Variants in C11orf98 observed in about 807,000 individuals in gnomAD.
C11orf98 encodes chromosome 11 open reading frame 98, also known as 28S rRNA/ribosome and sororin micro-cofactor.
Under a neutral mutation model 10.9 loss-of-function variants are expected in C11orf98, and 7 were observed. That is an observed-to-expected ratio of 0.64 (90% confidence interval 0.37 to 1.21). The LOEUF (loss-of-function observed/expected upper bound fraction) is 1.21, where lower values mean the gene tolerates loss of function less well. C11orf98 is among the 50% of genes most tolerant of loss of function. C11orf98 has a pLI of 0.02. For missense variants in C11orf98, 181 were observed against 153.7 expected, an observed-to-expected ratio of 1.18 and a Z score of -0.94; for synonymous variants, 70 against 57.2, an observed-to-expected ratio of 1.22 and a Z score of -1.01.
In C11orf98 at chr11:62,662,927, G is replaced by T; in HGVS notation, c.*123C>A. 1.4e-6 allele frequency: 1 copy of T among 737,148 alleles called. No individual in the cohort carries two copies. The highest frequency in any genetic ancestry group is 2.2e-6 in the Non-Finnish European group (1 of 455,658). 45.7% of individuals were successfully genotyped at this position (737,148 alleles called of 1,614,324 possible). A position where few individuals can be genotyped will look rare whatever the true frequency, so the allele number is the denominator to read the frequency against. ...AAAGACATCCCTCTAGGGGAGGTCA[G>T]TAGGCCATTAGGTAGGAGGAAATCT... On this transcript the variant is annotated 3_prime_UTR_variant, in exon 4 of 4. Coordinates refer to ENST00000524958, the MANE Select transcript of C11orf98 (RefSeq NM_001286086.2).
intron 2 of C11orf98, among the ~76,000 whole-genome samples, chr11:62,664,145 A>C (rs1412387779): frequency 6.6e-6 from 1 of 151,452 alleles, no homozygotes; most frequent in Non-Finnish European, 1.5e-5. Context: ...ACTCTTCCTC[A>C]AGACACAGGA....
Position 62,664,331 on chromosome 11 carries a change from T to C in C11orf98, c.164+518A>G, listed in dbSNP as rs1262498790. Among the ~76,000 whole-genome samples, 6 of 137,270 alleles carry C rather than the reference T, an allele frequency of 4.4e-5. No homozygotes were observed. The East Asian group carries it at 1.3e-3, about 30-fold the overall frequency. 90.1% of individuals were successfully genotyped at this position (137,270 alleles called of 152,430 possible). ...CCAACAGATTTCCTGATATTCTTTT[T>C]TTTTTTTTTTTTTTTTTGAGACGGA... On this transcript the variant is annotated intron_variant, in intron 2 of 3. Coordinates refer to ENST00000524958, the MANE Select transcript of C11orf98 (RefSeq NM_001286086.2).
intron 2 of C11orf98, among the ~76,000 whole-genome samples, chr11:62,663,681 G>A (rs1182573776): frequency 6.4e-5 from 9 of 140,526 alleles, no homozygotes; most frequent in Admixed American, 4.4e-4. Context: ...GCGACAAAGC[G>A]AGACTCCGTC....
In C11orf98 at chr11:62,665,120, C is replaced by G; in HGVS notation, c.39+11G>C. The G allele has an allele frequency of 8.4e-7, 1 of 1,193,050 alleles. No homozygotes were observed. The highest frequency in any genetic ancestry group is 1.2e-6 in the Non-Finnish European group (1 of 833,556). 73.9% of individuals were successfully genotyped at this position (1,193,050 alleles called of 1,614,324 possible). A position where few individuals can be genotyped will look rare whatever the true frequency, so the allele number is the denominator to read the frequency against. ...CTTGAGGAAACAAAGTCGCGGCCCC[C>G]ACACAGTCACCGTTCGGGGCCGGTT... is the stretch of plus-strand genomic sequence containing the variant. On this transcript the variant is annotated intron_variant, in intron 1 of 3. Transcript: ENST00000524958.
In C11orf98 at chr11:62,662,998, A is replaced by C; in HGVS notation, c.*52T>G. The C allele has an allele frequency of 7.2e-7, 1 of 1,397,110 alleles. No individual in the cohort carries two copies. The highest frequency in any genetic ancestry group is 9.9e-7 in the Non-Finnish European group (1 of 1,006,058). The allele number at this position is 1,397,110 out of a possible 1,614,324, so 86.5% of individuals were successfully genotyped here. A position where few individuals can be genotyped will look rare whatever the true frequency, so the allele number is the denominator to read the frequency against. ...GCTTTTGTCAAAGTCCTCTGAAACA[A>C]CCACTGAGTCTGAAGGCTGGCTCCA... On this transcript the variant is annotated 3_prime_UTR_variant, in exon 4 of 4. Coordinates refer to ENST00000524958, the MANE Select transcript of C11orf98 (RefSeq NM_001286086.2).
rs1455597262 is a variant in C11orf98, at chr11:62,663,610, C to T, written c.165-277G>A. Among the ~76,000 whole-genome samples, 12 of 150,088 alleles carry T rather than the reference C, an allele frequency of 8.0e-5. No individual in the cohort carries two copies. In the South Asian group the frequency reaches 1.9e-3, roughly 24 times the overall value. ...TCGGGAGGCTGCGGCAGGAGAATGG[C>T]GTGAACCCAGAAGGCGGAGCTTGCA... On this transcript the variant is annotated intron_variant, in intron 2 of 3. Transcript: ENST00000524958.
chr11:62,665,052 C>T (rs1046825965), intron 1 of C11orf98, 79 bp from the exon 2 acceptor site: 4 of 1,581,544 alleles, frequency 2.5e-6, no homozygotes, highest in East Asian at 2.2e-5. Context: ...GCCCCGGCCC[C>T]TCACTGATCC....
At chr11:62,664,326 C>CTTT (rs35917869) in intron 2 of C11orf98, among the ~76,000 whole-genome samples, 35 of 77,438 alleles carry the variant, frequency 4.5e-4, no homozygotes, top group Non-Finnish European at 5.5e-4. Context: ...TCCTGATATT[C>CTTT]TTTTTTTTTT....
intron 2 of C11orf98, among the ~76,000 whole-genome samples, chr11:62,663,815 G>A (rs1029683419): frequency 4.6e-5 from 7 of 151,824 alleles, no homozygotes; most frequent in African/African-American, 1.7e-4. Flanking sequence ...GCTTATGCCT[G>A]TAATCCCAAC....
At chr11:62,663,928 C>T (rs1484159578) in intron 2 of C11orf98, among the ~76,000 whole-genome samples, 75 of 150,644 alleles carry the variant, frequency 5.0e-4, no homozygotes, top group African/African-American at 1.7e-3. Flanking sequence ...CAAAAATTAG[C>T]CGGGTGCAGT....
intron 2 of C11orf98, among the ~76,000 whole-genome samples, 175 bp downstream of exon 2, chr11:62,664,674 T>C (rs1272763514): frequency 1.3e-5 from 2 of 152,162 alleles, no homozygotes; most frequent in Admixed American, 6.6e-5. Flanking sequence ...AGAAAGGTTG[T>C]CTGCTACAGG....
At chr11:62,663,562 C>T (rs1393426025) in intron 2 of C11orf98, among the ~76,000 whole-genome samples, 1 of 151,748 alleles carries the variant, frequency 6.6e-6, no homozygotes, top group African/African-American at 2.4e-5. Flanking sequence ...GGCGCAGTGG[C>T]GGGCGCCTGT....
Position 62,663,277 on chromosome 11 carries a change from TGGA to T in C11orf98, c.218_220del (p.Leu73del), listed in dbSNP as rs779052247. On this transcript the variant is annotated inframe_deletion, in exon 3 of 4. Coordinates refer to ENST00000524958, the MANE Select transcript of C11orf98 (RefSeq NM_001286086.2). ...CTCTTTCTGGGCAAGCCGGATCTGC[TGGA>T]GGAGTTTTCTGCGCTTCTTCCCTGA... The T allele has an allele frequency of 7.4e-6, 12 of 1,614,204 alleles. No individual in the cohort carries two copies. Among genetic ancestry groups the T allele is most frequent in the Middle Eastern group, 1.6e-4 (1 of 6,062 alleles).
intron 2 of C11orf98, 90 bp from the exon 3 acceptor site, chr11:62,663,423 TA>T (rs1944706760): frequency 7.3e-7 from 1 of 1,373,928 alleles, no homozygotes; most frequent in East Asian, 2.3e-5. Context: ...AAGTATTAAA[TA>T]GGCTGGGCGC....
chr11:62,665,148 T>C lies in C11orf98; in HGVS notation c.22A>G (p.Ile8Val), dbSNP rs747171930. ...ACAGTCACCGTTCGGGGCCGGTTGA[T>C]CTTTCCCCCCGGAGCTCCCATAGTC... The part of the protein sequence containing the change: MGAPGGK[I>V]NRPRTELKKK... The change falls in exon 1 of 4, where the codon ATC (isoleucine) becomes GTC (valine). Residue 8 changes from isoleucine to valine, a missense_variant. Coordinates refer to ENST00000524958, the MANE Select transcript of C11orf98 (RefSeq NM_001286086.2). 3 of 978,478 alleles carry C rather than the reference T, an allele frequency of 3.1e-6. No homozygotes were observed. The highest frequency in any genetic ancestry group is 2.7e-5 in the South Asian group (2 of 72,858). 60.6% of individuals were successfully genotyped at this position (978,478 alleles called of 1,614,324 possible).
At chr11:62,663,586 C>T (rs982671063) in intron 2 of C11orf98, among the ~76,000 whole-genome samples, 8 of 150,922 alleles carry the variant, frequency 5.3e-5, no homozygotes, top group Admixed American at 4.0e-4. Flanking sequence ...CCCAGCTACT[C>T]GGGAGGCTGC....
chr11:62,664,058 G>A (rs1313730548), intron 2 of C11orf98, among the ~76,000 whole-genome samples: 1 of 140,488 alleles, frequency 7.1e-6, no homozygotes, highest in Non-Finnish European at 1.5e-5. Flanking sequence ...GGGCAACAGA[G>A]GGAGACTCTG....
At chr11:62,665,063 C>A (rs1421044625) in intron 1 of C11orf98, 68 bp downstream of exon 1, 14 of 1,566,410 alleles carry the variant, frequency 8.9e-6, no homozygotes, top group Non-Finnish European at 1.2e-5. Context: ...TCACTGATCC[C>A]ATCTCGTGCG....
intron 2 of C11orf98, 130 bp downstream of exon 2, chr11:62,664,719 A>G: frequency 8.1e-7 from 1 of 1,236,896 alleles, no homozygotes; most frequent in East Asian, 2.6e-5. Context: ...AGGAACTAAC[A>G]GCCGACAGAC....
Sources: gnomAD v4.1 joint callset for allele counts (sites outside exome capture counted in the v4.1 genomes callset) on GRCh38, gnomAD v4.1.1 for gene constraint, MANE v1.5 for transcripts, NCBI Gene and HGNC (gene_info 2026-07-23, HGNC 2026-07-21) for gene names.